Variants in YTHDF3 observed in about 807,000 individuals in gnomAD.
YTHDF3 encodes the protein YTH N6-methyladenosine RNA binding protein F3, also known as YTH domain-containing family protein 3.
A neutral mutation model predicts 52.5 loss-of-function variants in YTHDF3; 9 were observed. The observed-to-expected ratio is 0.17, with a 90% CI of 0.10 to 0.30. The LOEUF is 0.30. Among genes scored for constraint, YTHDF3 ranks in the 10% least tolerant of loss-of-function variants. The pLI is 1.00. For missense variants in YTHDF3, 534 were observed against 715.0 expected, an observed-to-expected ratio of 0.75 and a Z score of 2.89; for synonymous variants, 274 against 243.3, an observed-to-expected ratio of 1.13 and a Z score of -1.18.
intron 4 of YTHDF3, among the ~76,000 whole-genome samples, chr8:63,203,757 C>G (rs1439243004): frequency 6.6e-6 from 1 of 152,140 alleles, no homozygotes; most frequent in Non-Finnish European, 1.5e-5. Flanking sequence ...TTCCGTCTTG[C>G]TTTGTTTCCC....
Position 63,168,657 on chromosome 8 carries a change from AAGCAGAG to A in YTHDF3, c.-217_-211del, listed in dbSNP as rs1807053056. ...GTCTGTCCGCCATTGTGGACCCGAG[AAGCAGAG>A]AGCGAGAGGGGGAAGAGGAGCGTGC... On this transcript the variant is annotated 5_prime_UTR_variant, in exon 1 of 5. Coordinates refer to ENST00000539294, the MANE Select transcript of YTHDF3 (RefSeq NM_152758.6). The A allele has an allele frequency of 7.5e-6, 6 of 797,418 alleles. No individual in the cohort carries two copies. Among genetic ancestry groups the A allele is most frequent in the Non-Finnish European group, 9.9e-6 (5 of 506,250 alleles). 49.4% of individuals were successfully genotyped at this position (797,418 alleles called of 1,614,324 possible). A position where few individuals can be genotyped will look rare whatever the true frequency, so the allele number is the denominator to read the frequency against.
chr8:63,186,657 G>A lies in YTHDF3; in HGVS notation c.646G>A (p.Gly216Ser), dbSNP rs772802725. Residue 216 changes from glycine (G) to serine (S), a missense_variant, in exon 4 of 5, where the codon GGT (glycine) becomes AGT (serine). Transcript: ENST00000539294. ...KTVGTALSSS[G>S]MTSIATNSVP... ...TGTAGGTACAGCTTTGAGCAGCAGT[G>A]GTATGACTAGCATTGCAACCAATAG... The A allele has an allele frequency of 3.3e-5, 54 of 1,613,940 alleles. No homozygotes were observed. The highest frequency in any genetic ancestry group is 4.5e-5 in the Non-Finnish European group (53 of 1,179,878).
chr8:63,180,592 A>T (rs1411181657), intron 3 of YTHDF3, among the ~76,000 whole-genome samples: 7 of 152,194 alleles, frequency 4.6e-5, no homozygotes, highest in African/African-American at 1.7e-4. Context: ...CAGAGGCTGC[A>T]ATCTCGGCAC....
At chr8:63,181,005 G>T (rs1462670696) in intron 3 of YTHDF3, among the ~76,000 whole-genome samples, 1 of 152,182 alleles carries the variant, frequency 6.6e-6, no homozygotes, top group East Asian at 1.9e-4. Flanking sequence ...CTTAAAATTA[G>T]TTCTTTATAG....
chr8:63,192,793 A>G (rs1808994632), intron 4 of YTHDF3, among the ~76,000 whole-genome samples: 1 of 149,264 alleles, frequency 6.7e-6, no homozygotes. Context: ...GTATTTTACT[A>G]GGATTTTCTT....
intron 4 of YTHDF3, among the ~76,000 whole-genome samples, chr8:63,203,813 C>T (rs1809804319): frequency 6.6e-6 from 1 of 152,134 alleles, no homozygotes; most frequent in Non-Finnish European, 1.5e-5. Flanking sequence ...TAAGATATCC[C>T]TCAATTTCGG....
intron 4 of YTHDF3, among the ~76,000 whole-genome samples, chr8:63,190,147 A>G (rs1384256671): frequency 1.3e-5 from 2 of 152,210 alleles, no homozygotes; most frequent in Admixed American, 1.3e-4. Context: ...CTGATTAGGC[A>G]GTTAGATGTC....
Position 63,212,074 on chromosome 8 carries a change from A to G in YTHDF3, c.*2368A>G, listed in dbSNP as rs1335348444. ...GAGAGAGCCTGGGGTCTACAAGAGGAGACACATCATCAAATGTTTGAATGA... is the reference window on the plus strand; with the variant it reads ...GAGAGAGCCTGGGGTCTACAAGAGGGGACACATCATCAAATGTTTGAATGA... On this transcript the variant is annotated 3_prime_UTR_variant, in exon 5 of 5. Coordinates refer to ENST00000539294, the MANE Select transcript of YTHDF3 (RefSeq NM_152758.6). 6.6e-6 allele frequency: 1 copy of G among 152,596 alleles called. No individual in the cohort carries two copies. Among genetic ancestry groups the G allele is most frequent in the East Asian group, 1.9e-4 (1 of 5,198 alleles). The allele number at this position is 152,596 out of a possible 1,614,324, so 9.5% of individuals were successfully genotyped here. A position where few individuals can be genotyped will look rare whatever the true frequency, so the allele number is the denominator to read the frequency against.
intron 2 of YTHDF3, chr8:63,172,760 C>T: frequency 1.6e-6 from 2 of 1,231,378 alleles, no homozygotes; most frequent in South Asian, 8.2e-5. Flanking sequence ...CTTGATTTGA[C>T]TCTGTTTCAT....
At chr8:63,192,354 G>T (rs1422265491) in intron 4 of YTHDF3, among the ~76,000 whole-genome samples, 1 of 152,182 alleles carries the variant, frequency 6.6e-6, no homozygotes, top group Non-Finnish European at 1.5e-5. Flanking sequence ...CTGGATGCTA[G>T]TTGCATATAC....
Position 63,168,653 on chromosome 8 carries a change from C to G in YTHDF3, c.-225C>G, listed in dbSNP as rs576072115. Reference sequence around the variant, plus strand: ...GGGAGTCTGTCCGCCATTGTGGACCCGAGAAGCAGAGAGCGAGAGGGGGAA... The same window carrying G: ...GGGAGTCTGTCCGCCATTGTGGACCGGAGAAGCAGAGAGCGAGAGGGGGAA... On this transcript the variant is annotated 5_prime_UTR_variant, in exon 1 of 5. Transcript: ENST00000539294. The G allele has an allele frequency of 8.6e-4, 672 of 780,456 alleles. 3 individuals carry two copies. The highest frequency in any genetic ancestry group is 3.7e-3 in the South Asian group (213 of 57,964). 48.3% of individuals were successfully genotyped at this position (780,456 alleles called of 1,614,324 possible).
Position 63,187,020 on chromosome 8 carries a change from C to A in YTHDF3, c.1009C>A (p.Gln337Lys). Residue 337 changes from glutamine to lysine, a missense_variant, in exon 4 of 5, where the codon CAG becomes AAG. By Grantham distance (53) the Gln-to-Lys change is moderately conservative (BLOSUM62 1). Transcript: ENST00000539294. Reference protein sequence around the residue: ...QPQQQQGPQPQAQPHQVQPQQ... With the variant: ...QPQQQQGPQPKAQPHQVQPQQ... The stretch of plus-strand genomic sequence containing the variant: ...ACAGCAGCAACAAGGACCTCAGCCA[C>A]AGGCCCAGCCTCACCAAGTGCAGCC... The A allele has an allele frequency of 6.2e-7, 1 of 1,613,552 alleles. No homozygotes were observed. Among genetic ancestry groups the A allele is most frequent in the Non-Finnish European group, 8.5e-7 (1 of 1,179,698 alleles).
rs192633146 is a variant in YTHDF3, at chr8:63,206,942, A to T, written c.1735-2741A>T. Among the ~76,000 whole-genome samples, 12 of 152,274 alleles carry T rather than the reference A, an allele frequency of 7.9e-5. No homozygotes were observed. The East Asian group carries it at 2.3e-3, about 29-fold the overall frequency. ...TACTAATTCTTTGACATTTACTAAG[A>T]TTCACTTGATAGTTGCTCATTGTAT... On this transcript the variant is annotated intron_variant, in intron 4 of 4. Coordinates refer to ENST00000539294, the MANE Select transcript of YTHDF3 (RefSeq NM_152758.6).
intron 1 of YTHDF3, 25 bp downstream of exon 1, chr8:63,168,926 T>C: frequency 6.5e-7 from 1 of 1,541,660 alleles, no homozygotes; most frequent in South Asian, 1.2e-5. Context: ...GCCCCAGGCT[T>C]GGCGAAGGCC....
At chr8:63,172,275 G>A (rs1381291807) in intron 2 of YTHDF3, among the ~76,000 whole-genome samples, 1 of 152,110 alleles carries the variant, frequency 6.6e-6, no homozygotes, top group Non-Finnish European at 1.5e-5. Flanking sequence ...GGAGTACTAT[G>A]GTTGGAAGTG....
In YTHDF3 at chr8:63,211,314, G is replaced by A. The variant is rs1034586283; in HGVS notation, c.*1608G>A. 6.6e-6 allele frequency: 1 copy of A among 152,368 alleles called. No homozygotes were observed. The highest frequency in any genetic ancestry group is 1.5e-5 in the Non-Finnish European group (1 of 67,958). 9.4% of individuals were successfully genotyped at this position (152,368 alleles called of 1,614,324 possible). A position where few individuals can be genotyped will look rare whatever the true frequency, so the allele number is the denominator to read the frequency against. On this transcript the variant is annotated 3_prime_UTR_variant, in exon 5 of 5. Transcript: ENST00000539294. ...TAGTTATATCAGTGTTTACTGAAGG[G>A]AACATCAAAATATTAATGGTATATT...
intron 4 of YTHDF3, among the ~76,000 whole-genome samples, chr8:63,196,414 T>C (rs2150387867): frequency 6.6e-6 from 1 of 151,720 alleles, no homozygotes; most frequent in Non-Finnish European, 1.5e-5. Flanking sequence ...ATACAAAAAT[T>C]AGCGAGGCGT....
Position 63,169,196 on chromosome 8 carries a change from T to A in YTHDF3, c.25-191T>A, listed in dbSNP as rs936813983. The A allele has an allele frequency of 5.9e-6, 8 of 1,354,914 alleles. No homozygotes were observed. In the African/African-American group the frequency reaches 8.8e-5, roughly 15 times the overall value. The allele number at this position is 1,354,914 out of a possible 1,614,324, so 83.9% of individuals were successfully genotyped here. A position where few individuals can be genotyped will look rare whatever the true frequency, so the allele number is the denominator to read the frequency against. On this transcript the variant is annotated intron_variant, in intron 1 of 4. Transcript: ENST00000539294. ...GACCGGGCGAGCTCTGGGAGACGGA[T>A]TCCGAGTGGCGGGTGGGAGGTTTAA...
chr8:63,202,709 C>T (rs994131627), intron 4 of YTHDF3, among the ~76,000 whole-genome samples: 4 of 151,924 alleles, frequency 2.6e-5, no homozygotes, highest in South Asian at 4.1e-4. Flanking sequence ...GTGAGCCACC[C>T]GCCTGAGCCT....
Sources: allele counts gnomAD v4.1 joint callset (sites outside exome capture counted in the v4.1 genomes callset), GRCh38; gene constraint gnomAD v4.1.1; transcripts MANE v1.5; gene names NCBI Gene and HGNC (gene_info 2026-07-23, HGNC 2026-07-21).